SLC25A16: variants seen among roughly 807,000 people sequenced by gnomAD.
SLC25A16 encodes solute carrier family 25 member 16.
Under a neutral mutation model 41.5 loss-of-function variants are expected in SLC25A16, and 39 were observed. The observed-to-expected ratio is 0.94, with a 90% CI of 0.73 to 1.23. SLC25A16 has a LOEUF of 1.23. Among genes scored for constraint, SLC25A16 ranks in the 50% most tolerant of loss-of-function variants. The probability of loss-of-function intolerance (pLI) is 0.00; values close to 1 mark genes in which losing one functional copy is unlikely to be tolerated. For missense variants in SLC25A16, 421 were observed against 426.9 expected (o/e 0.99, Z 0.12); for synonymous variants, 146 against 147.8 (o/e 0.99, Z 0.09).
intron 2 of SLC25A16, among the ~76,000 whole-genome samples, chr10:68,507,151 C>T (rs2052971630): frequency 6.8e-6 from 1 of 147,514 alleles, no homozygotes; most frequent in African/African-American, 2.5e-5. Context: ...GGGCTCACTG[C>T]AACCTCCGCC....
chr10:68,493,010 A>G, intron 6 of SLC25A16, 122 bp downstream of exon 6: 1 of 663,302 alleles, frequency 1.5e-6, no homozygotes, highest in South Asian at 1.8e-5. Flanking sequence ...CCATCCATAA[A>G]TCATTTCTTA....
intron 1 of SLC25A16, among the ~76,000 whole-genome samples, chr10:68,519,902 C>T (rs1049793053): frequency 7.3e-5 from 11 of 149,734 alleles, no homozygotes; most frequent in African/African-American, 1.2e-4. Flanking sequence ...GCGACAAGAA[C>T]GAAACTCCGT....
chr10:68,520,797 A>G (rs1349567622), intron 1 of SLC25A16, among the ~76,000 whole-genome samples: 1 of 133,942 alleles, frequency 7.5e-6, no homozygotes, highest in Non-Finnish European at 1.6e-5. Context: ...GGGCAACAAG[A>G]GCAAAACTCT....
intron 7 of SLC25A16, among the ~76,000 whole-genome samples, chr10:68,487,442 T>C (rs187293387): frequency 2.0e-5 from 3 of 152,210 alleles, no homozygotes; most frequent in Admixed American, 2.0e-4. Flanking sequence ...CACCGTAATA[T>C]CAAGTTCTGT....
Position 68,480,490 on chromosome 10 carries a change from C to CTTTTTTTTTT in SLC25A16, c.*2932_*2941dup. ...TTTACTGATAACCTAACTGAGGTATCTTTTTTTTTTTTTTTTTTTTTTTTG... is the reference window on the plus strand; with the variant it reads ...TTTACTGATAACCTAACTGAGGTATCTTTTTTTTTTTTTTTTTTTTTTTTTTTTTTTTTTG... On this transcript the variant is annotated 3_prime_UTR_variant, in exon 9 of 9. Coordinates refer to ENST00000609923, the MANE Select transcript of SLC25A16 (RefSeq NM_152707.4). 1 of 69,486 alleles carries CTTTTTTTTTT rather than the reference C, an allele frequency of 1.4e-5. No homozygotes were observed. The highest frequency in any genetic ancestry group is 2.6e-5 in the Non-Finnish European group (1 of 38,502). The allele number at this position is 69,486 out of a possible 1,614,324, so 4.3% of individuals were successfully genotyped here. A position where few individuals can be genotyped will look rare whatever the true frequency, so the allele number is the denominator to read the frequency against.
intron 1 of SLC25A16, among the ~76,000 whole-genome samples, chr10:68,524,335 A>C (rs2053300324): frequency 8.3e-6 from 1 of 121,118 alleles, no homozygotes; most frequent in Admixed American, 8.8e-5. Context: ...AAAAAAAGAG[A>C]GATCGAGACC....
chr10:68,489,657 C>G (rs554433299), intron 6 of SLC25A16, among the ~76,000 whole-genome samples: 1 of 152,102 alleles, frequency 6.6e-6, no homozygotes, highest in East Asian at 1.9e-4. Context: ...AATCCCAGCA[C>G]TTTGGGAGGC....
chr10:68,496,351 C>T, intron 4 of SLC25A16: 1 of 279,820 alleles, frequency 3.6e-6, no homozygotes, highest in Non-Finnish European at 5.4e-6. Context: ...TTCACACACT[C>T]CTTACTATTC....
chr10:68,509,295 A>G (rs960699263), intron 2 of SLC25A16, among the ~76,000 whole-genome samples: 2 of 151,972 alleles, frequency 1.3e-5, no homozygotes, highest in Admixed American at 6.6e-5. Flanking sequence ...CACTCCAGCG[A>G]CACTGCACTC....
Position 68,493,572 on chromosome 10 carries a change from T to G in SLC25A16, c.422-2A>C. 1.9e-6 allele frequency: 3 copies of G among 1,610,732 alleles called. No individual in the cohort carries two copies. The highest frequency in any genetic ancestry group is 2.5e-6 in the Non-Finnish European group (3 of 1,177,440). ...AAGTACAGATAACTGCTGTCATACC[T>G]GAAAAGAAAGTAGAAATTTAGAGGT... On this transcript the variant is annotated splice_acceptor_variant, in intron 4 of 8. Coordinates refer to ENST00000609923, the MANE Select transcript of SLC25A16 (RefSeq NM_152707.4). LOFTEE classifies it high-confidence loss of function.
rs2052484818 is a variant in SLC25A16, at chr10:68,481,628, T to G, written c.*1804A>C. On this transcript the variant is annotated 3_prime_UTR_variant, in exon 9 of 9. Coordinates refer to ENST00000609923, the MANE Select transcript of SLC25A16 (RefSeq NM_152707.4). The stretch of plus-strand genomic sequence containing the variant: ...ACTTAGTTTTCTAATGTCTCCTTTT[T>G]TTTGAGATGGAGGCTCATTCTGTCA... 1 of 151,912 alleles carries G rather than the reference T, an allele frequency of 6.6e-6. No homozygotes were observed. The highest frequency in any genetic ancestry group is 2.0e-4 in the East Asian group (1 of 5,128). The allele number at this position is 151,912 out of a possible 1,614,324, so 9.4% of individuals were successfully genotyped here.
chr10:68,526,179 T>C (rs541978280), intron 1 of SLC25A16, among the ~76,000 whole-genome samples: 431 of 151,444 alleles, frequency 2.8e-3, no homozygotes, highest in Middle Eastern at 6.8e-3. Flanking sequence ...TGCCTGTCCC[T>C]GGGCAATGGA....
chr10:68,515,541 A>T (rs917912418), intron 2 of SLC25A16, among the ~76,000 whole-genome samples: 1 of 150,720 alleles, frequency 6.6e-6, no homozygotes, highest in Non-Finnish European at 1.5e-5. Flanking sequence ...GCTCACGCCT[A>T]TAATCCCAGC....
In SLC25A16 at chr10:68,483,002, T is replaced by C. The variant is rs1157535103; in HGVS notation, c.*430A>G. 2 of 152,466 alleles carry C rather than the reference T, an allele frequency of 1.3e-5. No individual in the cohort carries two copies. The highest frequency in any genetic ancestry group is 2.9e-5 in the Non-Finnish European group (2 of 68,244). 9.4% of individuals were successfully genotyped at this position (152,466 alleles called of 1,614,324 possible). A position where few individuals can be genotyped will look rare whatever the true frequency, so the allele number is the denominator to read the frequency against. ...TCAATGCTGGCTGTTTCATAGAACT[T>C]AAAAATTCAATTCTCATTATTCTAT... On this transcript the variant is annotated 3_prime_UTR_variant, in exon 9 of 9. Transcript: ENST00000609923.
chr10:68,511,344 A>G (rs745416957), intron 2 of SLC25A16, among the ~76,000 whole-genome samples: 53 of 152,340 alleles, frequency 3.5e-4, no homozygotes, highest in Middle Eastern at 3.4e-3. Flanking sequence ...GACTACTACA[A>G]TAGTTCACTG....
At chr10:68,499,641 A>T in intron 4 of SLC25A16, 1 of 350,628 alleles carries the variant, frequency 2.9e-6, no homozygotes, top group South Asian at 3.0e-5. Context: ...CTTTCCAAAG[A>T]GCTGAGACAG....
chr10:68,499,886 C>A, intron 4 of SLC25A16: 2 of 567,970 alleles, frequency 3.5e-6, no homozygotes, highest in East Asian at 4.1e-5. Context: ...AAAAAGATTC[C>A]TGAACAGAAA....
chr10:68,497,876 A>T (rs1194935237), intron 4 of SLC25A16, among the ~76,000 whole-genome samples: 1 of 151,904 alleles, frequency 6.6e-6, no homozygotes, highest in Non-Finnish European at 1.5e-5. Flanking sequence ...TTGACCTCCC[A>T]AAATGCTAGG....
intron 2 of SLC25A16, among the ~76,000 whole-genome samples, chr10:68,508,628 G>C (rs1172492562): frequency 6.6e-6 from 1 of 151,614 alleles, no homozygotes; most frequent in Non-Finnish European, 1.5e-5. Context: ...TGAGGCAGGA[G>C]AATCGCTTGA....
Sources: allele counts gnomAD v4.1 joint callset (sites outside exome capture counted in the v4.1 genomes callset), GRCh38; gene constraint gnomAD v4.1.1; transcripts MANE v1.5; gene names NCBI Gene and HGNC (gene_info 2026-07-23, HGNC 2026-07-21).